TMPRSS13: variants seen among roughly 807,000 people sequenced by gnomAD.
TMPRSS13 encodes the protein transmembrane serine protease 13, also known as transmembrane protease serine 13.
Under a neutral mutation model 68.4 loss-of-function variants are expected in TMPRSS13, and 50 were observed. The ratio of observed to expected loss-of-function variants is 0.73; its 90% CI spans 0.58 to 0.93. The LOEUF (loss-of-function observed/expected upper bound fraction) is 0.93, where lower values mean the gene tolerates loss of function less well. Among genes scored for constraint, TMPRSS13 ranks in the 40% least tolerant of loss-of-function variants. The probability of loss-of-function intolerance (pLI) is 0.00; values close to 1 mark genes in which losing one functional copy is unlikely to be tolerated. For synonymous variants in TMPRSS13, 267 were observed against 285.8 expected (o/e 0.93, Z 0.66); for missense variants, 615 against 729.2 (o/e 0.84, Z 1.80).
chr11:117,914,606 G>A lies in TMPRSS13; in HGVS notation c.557-92C>T, dbSNP rs185835391. ...AAGGACCTGGGGGTTCTGAGACACCGACCTGCAATCCCTCTTGAACTCTGG... is the reference window on the plus strand; with the variant it reads ...AAGGACCTGGGGGTTCTGAGACACCAACCTGCAATCCCTCTTGAACTCTGG... On this transcript the variant is annotated intron_variant, in intron 3 of 12. Coordinates refer to ENST00000524993, the MANE Select transcript of TMPRSS13 (RefSeq NM_001077263.3). This position sits in a 1 kb window ranked among gnomAD's most constrained non-coding sequence, Gnocchi z 4.2. The A allele has an allele frequency of 1.2e-4, 196 of 1,571,646 alleles. 2 individuals carry two copies. The East Asian group carries it at 2.3e-3, about 18-fold the overall frequency.
intron 7 of TMPRSS13, 88 bp downstream of exon 7, chr11:117,910,619 G>T: frequency 1.5e-6 from 2 of 1,364,178 alleles, no homozygotes; most frequent in Non-Finnish European, 2.0e-6. Context: ...GAACCCCTGT[G>T]CCAAACACCT....
chr11:117,913,650 C>T, intron 5 of TMPRSS13, 127 bp downstream of exon 5: 1 of 1,219,464 alleles, frequency 8.2e-7, no homozygotes. Flanking sequence ...GTGTCCAGAG[C>T]TAGTGAGATC....
chr11:117,907,614 C>A (rs1408243215), intron 9 of TMPRSS13: 1 of 162,092 alleles, frequency 6.2e-6, no homozygotes, highest in Non-Finnish European at 1.3e-5. Context: ...CCAGAGGGCT[C>A]TGGCTCCATT....
At chr11:117,917,475 G>T (rs2057590786) in intron 2 of TMPRSS13, among the ~76,000 whole-genome samples, 1 of 152,174 alleles carries the variant, frequency 6.6e-6, no homozygotes, top group Non-Finnish European at 1.5e-5. Flanking sequence ...CAAAAACTGA[G>T]CTCCCCCTGC....
rs1374241130 is a variant in TMPRSS13, at chr11:117,902,194, A to G, written c.*45T>C. On this transcript the variant is annotated 3_prime_UTR_variant, in exon 13 of 13. Coordinates refer to ENST00000524993, the MANE Select transcript of TMPRSS13 (RefSeq NM_001077263.3). ...ACACATGGCCAGTCACCATGGCCAGAGTCTTCACAGCAGCCGGTGCTGTGC... is the reference window on the plus strand; with the variant it reads ...ACACATGGCCAGTCACCATGGCCAGGGTCTTCACAGCAGCCGGTGCTGTGC... 4 of 1,612,098 alleles carry G rather than the reference A, an allele frequency of 2.5e-6. No homozygotes were observed. The South Asian group carries it at 3.3e-5, about 13-fold the overall frequency.
Position 117,904,269 on chromosome 11 carries a change from G to T in TMPRSS13, c.1382-168C>A, listed in dbSNP as rs565570283. On this transcript the variant is annotated intron_variant, in intron 10 of 12. Transcript: ENST00000524993. ...ACCCAAGGGAGGCCCTCTGTGGTTGGACACCCAGGACATATGGGCACACAC... is the reference window on the plus strand; with the variant it reads ...ACCCAAGGGAGGCCCTCTGTGGTTGTACACCCAGGACATATGGGCACACAC... Among the ~76,000 whole-genome samples the T allele has an allele frequency of 9.8e-5, 15 of 152,286 alleles. No individual in the cohort carries two copies. The East Asian group carries it at 2.7e-3, about 27-fold the overall frequency.
intron 1 of TMPRSS13, among the ~76,000 whole-genome samples, chr11:117,920,942 C>T (rs1173930764): frequency 2.6e-5 from 4 of 152,194 alleles, no homozygotes; most frequent in African/African-American, 9.7e-5. Flanking sequence ...ATGGGCAGAC[C>T]TTACCTCCTT....
At chr11:117,912,389 A>C (rs1196094096) in intron 5 of TMPRSS13, among the ~76,000 whole-genome samples, 1 of 152,222 alleles carries the variant, frequency 6.6e-6, no homozygotes, top group East Asian at 1.9e-4. Flanking sequence ...AAAGCGTGAG[A>C]AGCTCTGGGC....
rs752593046 is a variant in TMPRSS13, at chr11:117,905,629, G to C, written c.1381+9C>G. ...TACATACACACAACCAAGCATCTTT[G>C]CCTCTTACCATCTGTCTCCCTGGTC... is the stretch of plus-strand genomic sequence containing the variant. On this transcript the variant is annotated intron_variant, in intron 10 of 12. Coordinates refer to ENST00000524993, the MANE Select transcript of TMPRSS13 (RefSeq NM_001077263.3). 2 of 1,588,110 alleles carry C rather than the reference G, an allele frequency of 1.3e-6. No homozygotes were observed. Among genetic ancestry groups the C allele is most frequent in the Admixed American group, 3.5e-5 (2 of 57,576 alleles).
rs567304458 is a variant in TMPRSS13, at chr11:117,907,637, C to T, written c.1282+975G>A. The T allele has an allele frequency of 3.2e-5, 6 of 185,700 alleles. No individual in the cohort carries two copies. In the East Asian group the frequency reaches 1.1e-3, roughly 35 times the overall value. 11.5% of individuals were successfully genotyped at this position (185,700 alleles called of 1,614,324 possible). On this transcript the variant is annotated intron_variant, in intron 9 of 12. Coordinates refer to ENST00000524993, the MANE Select transcript of TMPRSS13 (RefSeq NM_001077263.3). ...CTCTGGCTCCATTCTTCAGGGTCCT[C>T]CCTGAGCCCCCATTACCTGTCTTCT...
intron 7 of TMPRSS13, 139 bp downstream of exon 7, chr11:117,910,568 C>G: frequency 1.3e-6 from 1 of 781,330 alleles, no homozygotes; most frequent in Non-Finnish European, 2.0e-6. Flanking sequence ...GGGACTCCAG[C>G]CCTGAAGCAG....
Position 117,918,794 on chromosome 11 carries a change from G to A in TMPRSS13, c.66C>T (p.Ala22=). 2 of 1,613,742 alleles carry A rather than the reference G, an allele frequency of 1.2e-6. No homozygotes were observed. Among genetic ancestry groups the A allele is most frequent in the Non-Finnish European group, 1.7e-6 (2 of 1,179,792 alleles). ...ARTPSAGASP[A]QASPAGTPPG... is the part of the protein sequence containing the mutation. ...GAGGTGTCCCAGCTGGAGATGCCTG[G>A]GCTGGAGATGCTCCAGCTGAAGGTG... Residue 22 remains alanine (A), a synonymous_variant, in exon 2 of 13, where the codon GCC becomes GCT. Coordinates refer to ENST00000524993, the MANE Select transcript of TMPRSS13 (RefSeq NM_001077263.3).
rs1175454993 is a variant in TMPRSS13 at position 117,903,742 on chromosome 11, G to A, written c.1590C>T (p.Ser530=). 1 of 1,613,340 alleles carries A rather than the reference G, an allele frequency of 6.2e-7. No individual in the cohort carries two copies. Among genetic ancestry groups the A allele is most frequent in the South Asian group, 1.1e-5 (1 of 90,828 alleles). ...TTCTCTGGCCACAGCCTGTGCCCCA[G>A]CTGGTGACACCTGCCAGGTACCAGC... is the stretch of plus-strand genomic sequence containing the variant. ...NNRWYLAGVT[S]WGTGCGQRNK... is the part of the protein sequence containing the mutation. The change falls in exon 12 of 13, where the codon AGC becomes AGT. Residue 530 remains serine (S), a synonymous_variant. Coordinates refer to ENST00000524993, the MANE Select transcript of TMPRSS13 (RefSeq NM_001077263.3).
chr11:117,926,267 C>T (rs548044629), intron 1 of TMPRSS13, among the ~76,000 whole-genome samples: 82 of 149,936 alleles, frequency 5.5e-4, no homozygotes, highest in African/African-American at 1.9e-3. Context: ...CCTTGGAGGA[C>T]GAGGTGAGGG....
In TMPRSS13 at chr11:117,901,628, C is replaced by T. The variant is rs898771065; in HGVS notation, c.*611G>A. 6.6e-6 allele frequency: 1 copy of T among 152,566 alleles called. No individual in the cohort carries two copies. The highest frequency in any genetic ancestry group is 2.4e-5 in the African/African-American group (1 of 41,440). 9.5% of individuals were successfully genotyped at this position (152,566 alleles called of 1,614,324 possible). ...CCAGCAGCTTGTGACCAAATGAGTA[C>T]AGTGAATCCTCATCTCAGTTGTCAG... On this transcript the variant is annotated 3_prime_UTR_variant, in exon 13 of 13. Coordinates refer to ENST00000524993, the MANE Select transcript of TMPRSS13 (RefSeq NM_001077263.3).
intron 7 of TMPRSS13, 124 bp from the exon 8 acceptor site, chr11:117,910,092 G>C: frequency 8.4e-7 from 1 of 1,192,212 alleles, no homozygotes; most frequent in Non-Finnish European, 1.2e-6. Context: ...CCATCCTGAA[G>C]GGCACCCACC....
chr11:117,923,046 G>A (rs753121428), intron 1 of TMPRSS13, among the ~76,000 whole-genome samples: 12 of 152,340 alleles, frequency 7.9e-5, no homozygotes, highest in Middle Eastern at 3.4e-3. Context: ...GCCAGGGAGG[G>A]CTAAAAGGAG....
At position 117,913,891 on chromosome 11, in the gene TMPRSS13, T is replaced by G; in HGVS notation, c.695A>C (p.Asp232Ala). 6.2e-7 allele frequency: 1 copy of G among 1,613,864 alleles called. No individual in the cohort carries two copies. The highest frequency in any genetic ancestry group is 8.5e-7 in the Non-Finnish European group (1 of 1,179,966). ...AGAGTAGATTTTAAGCAGAGACTTG[T>G]CCCAGTCAAACCTCACTGCAGGGCA... Reference protein sequence around the residue: ...DELGCVRFDWDKSLLKIYSGS... With the variant: ...DELGCVRFDWAKSLLKIYSGS... Residue 232 changes from aspartate (D) to alanine (A), a missense_variant, in exon 5 of 13, where the codon GAC (aspartate) becomes GCC (alanine). By Grantham distance (126) the Asp-to-Ala change is moderately radical. Transcript: ENST00000524993.
At position 117,910,759 on chromosome 11, in the gene TMPRSS13, G is replaced by T. The variant is rs1177951008; in HGVS notation, c.903-9C>A. ...GGGAAGGGCATTCAGACCTGCAGGGGGAGACACAGAAAGTGGGAAAAGGGC... is the reference window on the plus strand; with the variant it reads ...GGGAAGGGCATTCAGACCTGCAGGGTGAGACACAGAAAGTGGGAAAAGGGC... On this transcript the variant is annotated splice_polypyrimidine_tract_variant and intron_variant, in intron 6 of 12. Coordinates refer to ENST00000524993, the MANE Select transcript of TMPRSS13 (RefSeq NM_001077263.3). The T allele has an allele frequency of 1.9e-6, 3 of 1,605,072 alleles. No homozygotes were observed. The highest frequency in any genetic ancestry group is 2.6e-6 in the Non-Finnish European group (3 of 1,175,000).
Sources: gnomAD v4.1 joint callset for allele counts (sites outside exome capture counted in the v4.1 genomes callset) on GRCh38, gnomAD v4.1.1 for gene constraint, Gnocchi (gnomAD v3.1) non-coding constraint, MANE v1.5 for transcripts, NCBI Gene and HGNC (gene_info 2026-07-23, HGNC 2026-07-21) for gene names.